The following CDKAL1 variants were observed in gnomAD, a reference collection of about 807,000 sequenced individuals.
CDKAL1 encodes the protein CDKAL1 threonylcarbamoyladenosine tRNA methylthiotransferase.
CDKAL1 carries 32 observed loss-of-function variants against 68.2 expected under a neutral mutation model. That is an observed-to-expected ratio of 0.47 (90% CI 0.35 to 0.63). CDKAL1 has a LOEUF of 0.63. Among genes scored for constraint, CDKAL1 ranks in the 30% least tolerant of loss-of-function variants. The pLI is 0.00. For synonymous variants in CDKAL1, 234 were observed against 244.3 expected, an observed-to-expected ratio of 0.96 and a Z score of 0.39; for missense variants, 606 against 696.7, an observed-to-expected ratio of 0.87 and a Z score of 1.47.
At position 20,754,384 on chromosome 6, in the gene CDKAL1, G is replaced by T. The variant is rs1774077077; in HGVS notation, c.469-4211G>T. Among the ~76,000 whole-genome samples the T allele has an allele frequency of 2.0e-5, 3 of 152,152 alleles. No homozygotes were observed. The South Asian group carries it at 6.2e-4, about 32-fold the overall frequency. On this transcript the variant is annotated intron_variant, in intron 6 of 15. Transcript: ENST00000274695. The stretch of plus-strand genomic sequence containing the variant: ...TACACATAAAATACAATTGACCACT[G>T]TAACCATTTTTAACTGATGTGGAGT...
chr6:21,163,064 C>T (rs1402590723), intron 13 of CDKAL1, among the ~76,000 whole-genome samples: 1 of 152,162 alleles, frequency 6.6e-6, no homozygotes, highest in African/African-American at 2.4e-5. Flanking sequence ...ACAGTGAGGC[C>T]AACTGGGACA....
At chr6:20,746,845 TTA>T (rs534329230) in intron 6 of CDKAL1, among the ~76,000 whole-genome samples, 63 of 152,310 alleles carry the variant, frequency 4.1e-4, no homozygotes, top group South Asian at 1.9e-3. Flanking sequence ...TAGTTACTTT[TTA>T]TGTTTGTGTG....
At chr6:20,730,766 C>A (rs1427078133) in intron 5 of CDKAL1, among the ~76,000 whole-genome samples, 2 of 151,218 alleles carry the variant, frequency 1.3e-5, no homozygotes, top group African/African-American at 2.4e-5. Context: ...ATTGCTTGAA[C>A]CCGGGAGGTG....
intron 5 of CDKAL1, among the ~76,000 whole-genome samples, chr6:20,655,460 T>G (rs1768982628): frequency 6.6e-6 from 1 of 152,184 alleles, no homozygotes; most frequent in African/African-American, 2.4e-5. Context: ...AGACGTGTAC[T>G]CGTCTGTGGC....
intron 9 of CDKAL1, among the ~76,000 whole-genome samples, chr6:20,888,138 A>G (rs183405155): frequency 6.6e-6 from 1 of 151,772 alleles, no homozygotes; most frequent in African/African-American, 2.4e-5. Context: ...CCCGCACCCC[A>G]TGACAGGCCC....
chr6:21,087,189 C>T (rs777773629), intron 12 of CDKAL1, among the ~76,000 whole-genome samples: 14 of 152,224 alleles, frequency 9.2e-5, no homozygotes, highest in Non-Finnish European at 1.6e-4. Flanking sequence ...TGCCAGATGT[C>T]ATTGGAAATA....
At chr6:21,192,237 G>T (rs1778284511) in intron 13 of CDKAL1, among the ~76,000 whole-genome samples, 3 of 150,424 alleles carry the variant, frequency 2.0e-5, no homozygotes, top group Admixed American at 6.6e-5. Flanking sequence ...TAGCCAGGAT[G>T]GTCTCGATCT....
At chr6:20,601,384 T>A (rs937165206) in intron 4 of CDKAL1, among the ~76,000 whole-genome samples, 2 of 152,212 alleles carry the variant, frequency 1.3e-5, no homozygotes, top group African/African-American at 2.4e-5. Flanking sequence ...AACACATTTT[T>A]AATTCAGAAC....
intron 8 of CDKAL1, among the ~76,000 whole-genome samples, chr6:20,833,867 G>C (rs1272791352): frequency 6.6e-6 from 1 of 152,116 alleles, no homozygotes; most frequent in African/African-American, 2.4e-5. Context: ...TTGGGTAGGA[G>C]AGATCTCAGG....
intron 11 of CDKAL1, among the ~76,000 whole-genome samples, chr6:21,041,905 GGT>G (rs1423837241): frequency 6.6e-6 from 1 of 152,070 alleles, no homozygotes; most frequent in Non-Finnish European, 1.5e-5. Flanking sequence ...GGATAACACA[GGT>G]TTAGCTATTT....
intron 8 of CDKAL1, among the ~76,000 whole-genome samples, chr6:20,810,015 C>T (rs1776728422): frequency 6.6e-6 from 1 of 152,168 alleles, no homozygotes; most frequent in Non-Finnish European, 1.5e-5. Flanking sequence ...GGCTGAATCA[C>T]ATCTAAACTT....
At chr6:20,613,249 CTTTTTTTTTTTTTTTTTTTTTTTTTT>C (rs71559677) in intron 4 of CDKAL1, among the ~76,000 whole-genome samples, 1,633 of 77,880 alleles carry the variant, frequency 0.021, 71 homozygotes, top group East Asian at 0.17. Flanking sequence ...AAATTTCTTT[CTTTTTTTTTTTTTTTTTTTTTTTTTT>C]TTTTTTTTTT....
At chr6:21,073,538 A>G (rs1012418718) in intron 12 of CDKAL1, among the ~76,000 whole-genome samples, 2 of 152,238 alleles carry the variant, frequency 1.3e-5, no homozygotes, top group Admixed American at 6.5e-5. Context: ...GATTTTGGCC[A>G]TTGTAACAGG....
chr6:20,578,623 G>A (rs1200731920), intron 4 of CDKAL1, among the ~76,000 whole-genome samples: 4 of 152,184 alleles, frequency 2.6e-5, no homozygotes, highest in Non-Finnish European at 4.4e-5. Flanking sequence ...GACTTCCACA[G>A]CAACTCACAT....
chr6:21,006,337 A>G (rs1767727453), intron 11 of CDKAL1, among the ~76,000 whole-genome samples: 1 of 152,218 alleles, frequency 6.6e-6, no homozygotes, highest in African/African-American at 2.4e-5. Flanking sequence ...CAAGGATTAG[A>G]TAATTATATT....
chr6:20,784,559 G>A (rs1561775503), intron 8 of CDKAL1, among the ~76,000 whole-genome samples: 1 of 150,878 alleles, frequency 6.6e-6, no homozygotes, highest in East Asian at 2.0e-4. Flanking sequence ...CGAGTAGCTG[G>A]GACTATAGGC....
chr6:20,718,970 G>C (rs966824886), intron 5 of CDKAL1, among the ~76,000 whole-genome samples: 1 of 152,092 alleles, frequency 6.6e-6, no homozygotes, highest in African/African-American at 2.4e-5. Context: ...GAAACCTTAG[G>C]GTTCATCTTT....
At chr6:21,085,641 T>A (rs559963779) in intron 12 of CDKAL1, among the ~76,000 whole-genome samples, 10 of 152,266 alleles carry the variant, frequency 6.6e-5, no homozygotes, top group South Asian at 2.1e-4. Context: ...AGTTGTAAAA[T>A]CCAGGGTTTC....
At chr6:20,769,777 G>C (rs1042942314) in intron 7 of CDKAL1, among the ~76,000 whole-genome samples, 1 of 152,064 alleles carries the variant, frequency 6.6e-6, no homozygotes, top group African/African-American at 2.4e-5. Context: ...GCTCTTTGTG[G>C]CTTACCATTT....
Sources: gnomAD v4.1 joint callset for allele counts (sites outside exome capture counted in the v4.1 genomes callset) on GRCh38, gnomAD v4.1.1 for gene constraint, MANE v1.5 for transcripts, NCBI Gene and HGNC (gene_info 2026-07-23, HGNC 2026-07-21) for gene names.